CHEK1: variants seen among roughly 807,000 people sequenced by gnomAD.
CHEK1 encodes checkpoint kinase 1, also known as serine/threonine-protein kinase Chk1.
CHEK1 carries 32 observed loss-of-function variants against 60.2 expected under a neutral mutation model. The ratio of observed to expected loss-of-function variants is 0.53; its 90% CI spans 0.40 to 0.71. The LOEUF is 0.71. Among genes scored for constraint, CHEK1 ranks in the 30% least tolerant of loss-of-function variants. The pLI is 0.00. For missense variants in CHEK1, 399 were observed against 564.6 expected, an observed-to-expected ratio of 0.71 and a Z score of 2.97; for synonymous variants, 179 against 187.2, an observed-to-expected ratio of 0.96 and a Z score of 0.36.
In CHEK1 at chr11:125,627,706, G is replaced by A. The variant is rs779362881; in HGVS notation, c.165G>A (p.Glu55=). The change falls in exon 3 of 13, where the codon GAG becomes GAA. Residue 55 remains glutamate (E), a synonymous_variant. Coordinates refer to ENST00000438015, the MANE Select transcript of CHEK1 (RefSeq NM_001114122.3). ...ACTGTCCAGAAAATATTAAGAAAGA[G>A]ATCTGTATCAATAAAATGCTAAATC... ...AVDCPENIKK[E]ICINKMLNHE... is the part of the protein sequence containing the mutation. 2 of 1,613,652 alleles carry A rather than the reference G, an allele frequency of 1.2e-6. No individual in the cohort carries two copies. The highest frequency in any genetic ancestry group is 1.3e-5 in the African/African-American group (1 of 74,886).
At chr11:125,628,347 A>G (rs542253137) in intron 3 of CHEK1, among the ~76,000 whole-genome samples, 1 of 152,332 alleles carries the variant, frequency 6.6e-6, no homozygotes, top group Admixed American at 6.5e-5. Context: ...CAAAGGATTG[A>G]TATTTCAGAA....
In CHEK1 at chr11:125,630,597, C is replaced by T. The variant is rs558167834; in HGVS notation, c.424+1137C>T. On this transcript the variant is annotated intron_variant, in intron 5 of 12. Transcript: ENST00000438015. ...GAGTGCTGGGATTATAGGTGTGAGC[C>T]GCTGTACCCAGCCTATACATGCTTT... Among the ~76,000 whole-genome samples, 18 of 152,110 alleles carry T rather than the reference C, an allele frequency of 1.2e-4. No homozygotes were observed. In the South Asian group the frequency reaches 3.1e-3, roughly 26 times the overall value.
intron 3 of CHEK1, 75 bp downstream of exon 3, chr11:125,627,905 G>A: frequency 8.4e-7 from 1 of 1,187,020 alleles, no homozygotes; most frequent in Non-Finnish European, 1.2e-6. Flanking sequence ...CATGCTATTT[G>A]GTCGTTGTCC....
At chr11:125,672,738 C>T in intron 13 of CHEK1, 3 of 1,613,202 alleles carry the variant, frequency 1.9e-6, no homozygotes, top group South Asian at 2.2e-5. Context: ...CAGAGACAGA[C>T]TAGTGAGCAG....
chr11:125,626,928 C>A, intron 2 of CHEK1, 95 bp downstream of exon 2: 1 of 1,373,376 alleles, frequency 7.3e-7, no homozygotes, highest in Non-Finnish European at 1.0e-6. Context: ...TGTTTGAGAT[C>A]CAAGGGTTTT....
At position 125,656,220 on chromosome 11, in the gene CHEK1, TCCTGCCTGTAGTCC is replaced by T. The variant is rs1160925923; in HGVS notation, c.*902_*915del. On this transcript the variant is annotated 3_prime_UTR_variant, in exon 13 of 13. Coordinates refer to ENST00000438015, the MANE Select transcript of CHEK1 (RefSeq NM_001114122.3). ...GGGCATATTAGGTTGAGGCCTTGGC[TCCTGCCTGTAGTCC>T]CAGCTACTTAGGAGGCTGAGAGAGG... is the stretch of plus-strand genomic sequence containing the variant. The T allele has an allele frequency of 2.3e-5, 5 of 213,928 alleles. No individual in the cohort carries two copies. Among genetic ancestry groups the T allele is most frequent in the African/African-American group, 4.5e-5 (2 of 44,316 alleles). 13.3% of individuals were successfully genotyped at this position (213,928 alleles called of 1,614,324 possible).
intron 7 of CHEK1, among the ~76,000 whole-genome samples, chr11:125,636,570 T>C (rs991282519): frequency 3.3e-5 from 5 of 152,152 alleles, no homozygotes; most frequent in Non-Finnish European, 7.4e-5. Flanking sequence ...CTCATCAATT[T>C]ACATTAAGGA....
At chr11:125,648,111 C>CT (rs34956393) in intron 11 of CHEK1, among the ~76,000 whole-genome samples, 123,785 of 146,320 alleles carry the variant, frequency 0.85, 52,373 homozygotes, top group South Asian at 0.93. Flanking sequence ...CCTGTTTATT[C>CT]TTTTTTTTTT....
chr11:125,634,790 G>A (rs1177660002), intron 6 of CHEK1, among the ~76,000 whole-genome samples: 2 of 152,086 alleles, frequency 1.3e-5, no homozygotes, highest in African/African-American at 4.8e-5. Flanking sequence ...TGACTTTTGA[G>A]GGGGATACAA....
chr11:125,637,067 A>C (rs570336293), intron 7 of CHEK1, among the ~76,000 whole-genome samples: 10 of 152,316 alleles, frequency 6.6e-5, no homozygotes, highest in African/African-American at 2.2e-4. Context: ...TTGGTAAGTA[A>C]ATGTTCATTA....
At chr11:125,648,495 T>C (rs1941589156) in intron 11 of CHEK1, among the ~76,000 whole-genome samples, 1 of 151,532 alleles carries the variant, frequency 6.6e-6, no homozygotes, top group African/African-American at 2.4e-5. Context: ...GGCCGGAGAA[T>C]CACTTGAACC....
chr11:125,640,431 C>T (rs1941246229), intron 8 of CHEK1, among the ~76,000 whole-genome samples: 1 of 150,694 alleles, frequency 6.6e-6, no homozygotes, highest in Non-Finnish European at 1.5e-5. Flanking sequence ...GTCCCAGCTA[C>T]TCGGGAGGCT....
chr11:125,632,520 T>C (rs1264306032), intron 5 of CHEK1, among the ~76,000 whole-genome samples: 4 of 152,224 alleles, frequency 2.6e-5, no homozygotes, highest in Non-Finnish European at 5.9e-5. Context: ...GCTGGCATAG[T>C]GTCTGTCACT....
intron 8 of CHEK1, among the ~76,000 whole-genome samples, chr11:125,638,031 G>GTAC (rs1360587976): frequency 1.3e-5 from 2 of 152,202 alleles, no homozygotes; most frequent in Admixed American, 1.3e-4. Context: ...TATTTGTTGA[G>GTAC]TGAGTGAACA....
At chr11:125,662,028 T>A (rs564085013), downstream of CHEK1, among the ~76,000 whole-genome samples, 1 of 152,318 alleles carries the variant, frequency 6.6e-6, no homozygotes, top group African/African-American at 2.4e-5. Flanking sequence ...GATACCCTTT[T>A]ATAGCAACAT....
In CHEK1 at chr11:125,635,483, A is replaced by G. The variant is rs35817404; in HGVS notation, c.668A>G (p.Glu223Gly). 5 of 1,601,920 alleles carry G rather than the reference A, an allele frequency of 3.1e-6. No homozygotes were observed. The highest frequency in any genetic ancestry group is 1.7e-5 in the Admixed American group (1 of 58,750). ...DSCQEYSDWK[E>G]KKTYLNPWKK... ...TGTCAGGAGTATTCTGACTGGAAAG[A>G]AAAAAAAACATACCTCAACCCTTGG... Residue 223 changes from glutamate (E) to glycine (G), a missense_variant, in exon 7 of 13, where the codon GAA becomes GGA. Glu to Gly is a moderately conservative substitution (Grantham distance 98). Transcript: ENST00000438015.
At chr11:125,637,362 G>T in intron 7 of CHEK1, 87 bp from the exon 8 acceptor site, 1 of 915,638 alleles carries the variant, frequency 1.1e-6, no homozygotes, top group Admixed American at 2.7e-5. Flanking sequence ...ACATAAGTAG[G>T]CTAACAGAAA....
chr11:125,660,551 A>G (rs745994590), downstream of CHEK1, among the ~76,000 whole-genome samples: 35 of 151,788 alleles, frequency 2.3e-4, no homozygotes, highest in Non-Finnish European at 4.7e-4. Flanking sequence ...TGCTTTATAC[A>G]TTTTGGGACT....
intron 5 of CHEK1, 93 bp from the exon 6 acceptor site, chr11:125,633,070 C>T: frequency 3.6e-6 from 4 of 1,105,362 alleles, no homozygotes; most frequent in East Asian, 2.8e-5. Context: ...TAAGTAACAC[C>T]AGTGATTTTT....
Sources: gnomAD v4.1 joint callset for allele counts (sites outside exome capture counted in the v4.1 genomes callset) on GRCh38, gnomAD v4.1.1 for gene constraint, MANE v1.5 for transcripts, NCBI Gene and HGNC (gene_info 2026-07-23, HGNC 2026-07-21) for gene names.